PTPRG: variants seen among roughly 807,000 people sequenced by gnomAD.
The protein encoded by PTPRG is protein tyrosine phosphatase receptor type G.
PTPRG carries 102 observed loss-of-function variants against 165.3 expected under a neutral mutation model. That is an observed-to-expected ratio of 0.62 (90% CI 0.53 to 0.73). The LOEUF (loss-of-function observed/expected upper bound fraction) is 0.73, where lower values mean the gene tolerates loss of function less well. PTPRG is among the 30% of genes least tolerant of loss of function. The probability of loss-of-function intolerance (pLI) is 0.00; values close to 1 mark genes in which losing one functional copy is unlikely to be tolerated. For synonymous variants in PTPRG, 675 were observed against 669.5 expected, an observed-to-expected ratio of 1.01 and a Z score of -0.13; for missense variants, 1,866 against 1,861.4, an observed-to-expected ratio of 1.00 and a Z score of -0.05.
intron 1 of PTPRG, among the ~76,000 whole-genome samples, chr3:61,613,466 G>A (rs1701229542): frequency 6.6e-6 from 1 of 152,214 alleles, no homozygotes; most frequent in Non-Finnish European, 1.5e-5. Flanking sequence ...AAGGGAATTT[G>A]TGTGTTTCTT....
rs564821952 is a variant in PTPRG, at chr3:61,791,413, A to G, written c.190+42431A>G. On this transcript the variant is annotated intron_variant, in intron 2 of 29. Transcript: ENST00000474889. ...CTTTAGGAACCAAAATGATTCTTTT[A>G]CTTAGATAACCTGTTTGAGGCAAGA... Among the ~76,000 whole-genome samples the G allele has an allele frequency of 4.3e-3, 660 of 152,348 alleles. 3 individuals carry two copies. Among genetic ancestry groups the G allele is most frequent in the Non-Finnish European group, 6.9e-3 (468 of 68,028 alleles).
intron 5 of PTPRG, among the ~76,000 whole-genome samples, chr3:62,120,999 C>T (rs1703046925): frequency 6.6e-6 from 1 of 151,802 alleles, no homozygotes; most frequent in South Asian, 2.1e-4. Context: ...GGCTGGAGTG[C>T]AGTGGCCCTA....
At chr3:61,999,777 A>T (rs1051103001) in intron 3 of PTPRG, among the ~76,000 whole-genome samples, 1 of 152,222 alleles carries the variant, frequency 6.6e-6, no homozygotes, top group Non-Finnish European at 1.5e-5. Context: ...CATAATCTAC[A>T]AAAATAAATC....
chr3:62,228,379 G>A lies in PTPRG; in HGVS notation c.2289-2846G>A, dbSNP rs192078155. Among the ~76,000 whole-genome samples the A allele has an allele frequency of 6.4e-4, 97 of 151,994 alleles. 1 individual carries two copies. Among genetic ancestry groups the A allele is most frequent in the Admixed American group, 6.3e-3 (96 of 15,256 alleles). On this transcript the variant is annotated intron_variant, in intron 13 of 29. Coordinates refer to ENST00000474889, the MANE Select transcript of PTPRG (RefSeq NM_002841.4). This position sits in a 1 kb window ranked among gnomAD's most constrained non-coding sequence, Gnocchi z 4.1. ...ACTAAAAATACAAAAACAATTAGCC[G>A]GATGTGGTGGTGGGTGCCTGTAATC...
chr3:61,817,553 C>T (rs768348916), intron 2 of PTPRG, among the ~76,000 whole-genome samples: 2 of 152,028 alleles, frequency 1.3e-5, no homozygotes, highest in Non-Finnish European at 2.9e-5. Flanking sequence ...TATAAACTCA[C>T]AAACAATATC....
intron 2 of PTPRG, among the ~76,000 whole-genome samples, chr3:61,981,130 G>A (rs1004703073): frequency 2.0e-5 from 3 of 152,342 alleles, no homozygotes; most frequent in East Asian, 1.9e-4. Flanking sequence ...TGGCAGGACA[G>A]AGATTGAGTG....
intron 2 of PTPRG, among the ~76,000 whole-genome samples, chr3:61,954,922 A>G (rs895092616): frequency 5.9e-5 from 9 of 152,236 alleles, no homozygotes; most frequent in African/African-American, 9.6e-5. Context: ...TTGATTGAAC[A>G]GTACCAACAT....
chr3:61,733,777 T>C lies in PTPRG; in HGVS notation c.86-15101T>C, dbSNP rs191563197. On this transcript the variant is annotated intron_variant, in intron 1 of 29. Coordinates refer to ENST00000474889, the MANE Select transcript of PTPRG (RefSeq NM_002841.4). ...TTCCTTCTACTGTTTCATCCTGGGA[T>C]TGATCAACTCTTCACTTTTGTTTTG... 1.1e-3 allele frequency among the ~76,000 whole-genome samples: 166 copies of C among 152,274 alleles called. No homozygotes were observed. The Middle Eastern group carries it at 0.014, about 12-fold the overall frequency.
chr3:62,130,025 T>C (rs568533853), intron 5 of PTPRG, among the ~76,000 whole-genome samples: 182 of 152,370 alleles, frequency 1.2e-3, no homozygotes, highest in African/African-American at 4.2e-3. Flanking sequence ...AACTAATGGC[T>C]AAATTTTGCT....
At chr3:61,804,462 C>T (rs2035351058) in intron 2 of PTPRG, among the ~76,000 whole-genome samples, 3 of 152,148 alleles carry the variant, frequency 2.0e-5, no homozygotes. Context: ...TTTATATCCC[C>T]AAATGGAACC....
chr3:61,562,261 T>A lies in PTPRG; in HGVS notation c.-27T>A. The A allele has an allele frequency of 6.2e-7, 1 of 1,606,178 alleles. No individual in the cohort carries two copies. Among genetic ancestry groups the A allele is most frequent in the Non-Finnish European group, 8.5e-7 (1 of 1,172,948 alleles). On this transcript the variant is annotated 5_prime_UTR_variant, in exon 1 of 30. Coordinates refer to ENST00000474889, the MANE Select transcript of PTPRG (RefSeq NM_002841.4). ...ATTCAACAAGTTTACCTCCCTGCTT[T>A]CCTCTTTTCGATGTGCGTTTTCGGA...
chr3:62,262,023 C>T (rs944866553), intron 16 of PTPRG: 4 of 152,196 alleles, frequency 2.6e-5, no homozygotes, highest in African/African-American at 9.6e-5. Flanking sequence ...CCTTATTAGT[C>T]AGCTCCAGTA....
At position 62,203,691 on chromosome 3, in the gene PTPRG, G is replaced by C. The variant is rs1197684972; in HGVS notation, c.1896G>C (p.Arg632Ser). 1 of 1,572,980 alleles carries C rather than the reference G, an allele frequency of 6.4e-7. No individual in the cohort carries two copies. Among genetic ancestry groups the C allele is most frequent in the Non-Finnish European group, 8.6e-7 (1 of 1,158,550 alleles). The change falls in exon 12 of 30, where the codon AGG (arginine) becomes AGC (serine). Residue 632 changes from arginine to serine, a missense_variant. Coordinates refer to ENST00000474889, the MANE Select transcript of PTPRG (RefSeq NM_002841.4). This position sits in a 1 kb window ranked among gnomAD's most constrained non-coding sequence, Gnocchi z 6.4. The stretch of plus-strand genomic sequence containing the variant: ...GCCCCACACCCTCGTCTCCTAACAG[G>C]ACTGCCGAGGGAGGGCATCAGACTA... The part of the protein sequence containing the change: ...EPSPTPSSPN[R>S]TAEGGHQTIP...
At chr3:62,176,127 C>T (rs1277382322) in intron 8 of PTPRG, among the ~76,000 whole-genome samples, 1 of 152,142 alleles carries the variant, frequency 6.6e-6, no homozygotes, top group Non-Finnish European at 1.5e-5. Context: ...GCACTGGAGT[C>T]TGCAGGACCC....
intron 2 of PTPRG, among the ~76,000 whole-genome samples, chr3:61,934,926 C>T (rs1037065885): frequency 2.6e-5 from 4 of 152,152 alleles, no homozygotes; most frequent in African/African-American, 7.2e-5. Flanking sequence ...GCATGGGATG[C>T]GTTGCTTAAA....
At chr3:61,686,735 A>T (rs1365856858) in intron 1 of PTPRG, among the ~76,000 whole-genome samples, 2 of 152,242 alleles carry the variant, frequency 1.3e-5, no homozygotes, top group African/African-American at 2.4e-5. Context: ...GCATTGCCCT[A>T]TGAACAGATA....
At chr3:62,269,390 AC>A (rs1259242177) in intron 20 of PTPRG, among the ~76,000 whole-genome samples, 1 of 152,224 alleles carries the variant, frequency 6.6e-6, no homozygotes, top group Non-Finnish European at 1.5e-5. Context: ...TTTAATCTCT[AC>A]ATGAACAGGC....
rs142310725 is a variant in PTPRG at position 61,730,498 on chromosome 3, A to G, written c.86-18380A>G. On this transcript the variant is annotated intron_variant, in intron 1 of 29. Transcript: ENST00000474889. ...TCATTGTTAATGATTTGAGCAAATT[A>G]GTGTTGCTCAGAAAGTAGTTTGTTA... Among the ~76,000 whole-genome samples, 141 of 152,348 alleles carry G rather than the reference A, an allele frequency of 9.3e-4. 2 individuals carry two copies. The highest frequency in any genetic ancestry group is 1.5e-3 in the Non-Finnish European group (101 of 68,028).
chr3:61,936,069 G>C (rs1413503933), intron 2 of PTPRG, among the ~76,000 whole-genome samples: 2 of 152,250 alleles, frequency 1.3e-5, no homozygotes, highest in Non-Finnish European at 1.5e-5. Flanking sequence ...TGCCACATGA[G>C]GAAACAGCGT....
Sources: allele counts gnomAD v4.1 joint callset (sites outside exome capture counted in the v4.1 genomes callset), GRCh38; gene constraint gnomAD v4.1.1; non-coding constraint Gnocchi (gnomAD v3.1); transcripts MANE v1.5; gene names NCBI Gene and HGNC (gene_info 2026-07-23, HGNC 2026-07-21).